PRKCA: variants seen among roughly 807,000 people sequenced by gnomAD.
PRKCA encodes protein kinase C alpha.
In PRKCA, 27 loss-of-function variants were observed where a neutral mutation model predicts 87.0. The observed-to-expected ratio is 0.31, with a 90% CI of 0.23 to 0.43. The LOEUF is 0.43. PRKCA is among the 20% of genes least tolerant of loss of function. The pLI is 1.00. For missense variants in PRKCA, 518 were observed against 852.3 expected, an observed-to-expected ratio of 0.61 and a Z score of 4.88; for synonymous variants, 329 against 311.1, an observed-to-expected ratio of 1.06 and a Z score of -0.61.
intron 3 of PRKCA, among the ~76,000 whole-genome samples, chr17:66,528,564 C>G (rs976012608): frequency 1.3e-5 from 2 of 152,082 alleles, no homozygotes; most frequent in African/African-American, 4.8e-5. Context: ...GGCCATGAAC[C>G]AAGGAATACA....
intron 2 of PRKCA, among the ~76,000 whole-genome samples, chr17:66,346,022 G>A (rs1455099008): frequency 6.6e-6 from 1 of 152,042 alleles, no homozygotes; most frequent in Non-Finnish European, 1.5e-5. Flanking sequence ...TCATCTGGAA[G>A]GTGCTCAGTA....
At chr17:66,534,131 T>G (rs1298542940) in intron 3 of PRKCA, among the ~76,000 whole-genome samples, 1 of 149,978 alleles carries the variant, frequency 6.7e-6, no homozygotes. Flanking sequence ...GACCACTTTC[T>G]TCCCAAGTGA....
intron 12 of PRKCA, 73 bp downstream of exon 12, chr17:66,741,794 G>T: frequency 6.7e-7 from 1 of 1,481,798 alleles, no homozygotes; most frequent in East Asian, 2.3e-5. Context: ...TGTCATTCTG[G>T]AATGGTGACT....
chr17:66,674,356 A>C (rs16959930), intron 5 of PRKCA, among the ~76,000 whole-genome samples: 16,119 of 152,234 alleles, frequency 0.11, 926 homozygotes, highest in Middle Eastern at 0.17. Flanking sequence ...CAAGGTGGGC[A>C]CAGAGATACA....
At position 66,518,561 on chromosome 17, in the gene PRKCA, G is replaced by A. The variant is rs142782465; in HGVS notation, c.288+22278G>A. Among the ~76,000 whole-genome samples, 1,126 of 152,196 alleles carry A rather than the reference G, an allele frequency of 7.4e-3. 10 individuals carry two copies. The highest frequency in any genetic ancestry group is 0.024 in the South Asian group (118 of 4,824). ...CCAGAAAGGTTTGTTCTATTTTTAC[G>A]AGAATCTTCTTAGGGAAATTGATGA... On this transcript the variant is annotated intron_variant, in intron 3 of 16. Transcript: ENST00000413366.
At position 66,804,315 on chromosome 17, in the gene PRKCA, C is replaced by T. The variant is rs1350589517; in HGVS notation, c.*278C>T. 1.3e-5 allele frequency: 4 copies of T among 319,742 alleles called. No homozygotes were observed. Among genetic ancestry groups the T allele is most frequent in the African/African-American group, 4.3e-5 (2 of 46,922 alleles). 19.8% of individuals were successfully genotyped at this position (319,742 alleles called of 1,614,324 possible). On this transcript the variant is annotated 3_prime_UTR_variant, in exon 17 of 17. Coordinates refer to ENST00000413366, the MANE Select transcript of PRKCA (RefSeq NM_002737.3). ...CTCTAGGTTAACCCTTCCTAGAAAG[C>T]AAGCAGACTGTTGCCCCATTTTGGG... is the stretch of plus-strand genomic sequence containing the variant.
At chr17:66,494,053 A>G (rs939947303) in intron 2 of PRKCA, among the ~76,000 whole-genome samples, 1 of 152,070 alleles carries the variant, frequency 6.6e-6, no homozygotes, top group African/African-American at 2.4e-5. Context: ...CTTACTGGCC[A>G]CTCACAGCCC....
intron 2 of PRKCA, among the ~76,000 whole-genome samples, chr17:66,377,450 C>T (rs35612410): frequency 0.16 from 23,865 of 151,070 alleles, 2,042 homozygotes; most frequent in East Asian, 0.28. Flanking sequence ...AGCCTAGGTA[C>T]ACAGCTGCTT....
At chr17:66,612,921 G>T (rs1449394476) in intron 3 of PRKCA, among the ~76,000 whole-genome samples, 1 of 152,108 alleles carries the variant, frequency 6.6e-6, no homozygotes. Context: ...TATAGAGTAT[G>T]TATAAAGTCA....
At chr17:66,530,023 C>T (rs1337234836) in intron 3 of PRKCA, among the ~76,000 whole-genome samples, 2 of 152,146 alleles carry the variant, frequency 1.3e-5, no homozygotes, top group African/African-American at 2.4e-5. Context: ...TGCTAGGAAC[C>T]ACGTTAGCTT....
chr17:66,491,247 G>A (rs1916232497), intron 2 of PRKCA, among the ~76,000 whole-genome samples: 1 of 152,224 alleles, frequency 6.6e-6, no homozygotes, highest in African/African-American at 2.4e-5. Context: ...TTTGTGACTG[G>A]AAGCTGCAGG....
chr17:66,379,933 A>G (rs1216331347), intron 2 of PRKCA, among the ~76,000 whole-genome samples: 1 of 152,168 alleles, frequency 6.6e-6, no homozygotes. Context: ...ATATTGAAGT[A>G]TAAAGCTAAA....
At chr17:66,428,296 T>C (rs1162882483) in intron 2 of PRKCA, among the ~76,000 whole-genome samples, 1 of 152,130 alleles carries the variant, frequency 6.6e-6, no homozygotes, top group African/African-American at 2.4e-5. Context: ...AAGCAGGGAT[T>C]CCAGCACCGA....
At chr17:66,496,661 T>G (rs1319593776) in intron 3 of PRKCA, among the ~76,000 whole-genome samples, 10 of 136,798 alleles carry the variant, frequency 7.3e-5, no homozygotes, top group Admixed American at 6.5e-4. Context: ...TCCCGTCCTC[T>G]TCGATGGAGT....
intron 16 of PRKCA, chr17:66,796,449 CTT>C (rs1486724360): frequency 7.1e-6 from 7 of 985,210 alleles, no homozygotes; most frequent in Non-Finnish European, 8.4e-6. Context: ...ATTCTCCAGA[CTT>C]TGTGTACCAA....
chr17:66,729,507 C>T (rs912508474), intron 8 of PRKCA, among the ~76,000 whole-genome samples: 1 of 152,288 alleles, frequency 6.6e-6, no homozygotes, highest in South Asian at 2.1e-4. Flanking sequence ...CTGGCCCTGC[C>T]GAAGTGGGCA....
intron 2 of PRKCA, among the ~76,000 whole-genome samples, chr17:66,475,099 T>C (rs917208197): frequency 6.6e-6 from 1 of 152,222 alleles, no homozygotes; most frequent in Non-Finnish European, 1.5e-5. Flanking sequence ...AGTTGCAAGC[T>C]GTCTTCCCTT....
intron 5 of PRKCA, among the ~76,000 whole-genome samples, chr17:66,652,500 A>G (rs866306043): frequency 6.6e-6 from 1 of 152,156 alleles, no homozygotes; most frequent in African/African-American, 2.4e-5. Context: ...TTTTTTCCTA[A>G]TGTCTACAAC....
At chr17:66,645,886 G>A (rs1971439612) in intron 5 of PRKCA, among the ~76,000 whole-genome samples, 1 of 152,196 alleles carries the variant, frequency 6.6e-6, no homozygotes. Flanking sequence ...GCGAATGGAT[G>A]GATGACCCAG....
Sources: gnomAD v4.1 joint callset for allele counts (sites outside exome capture counted in the v4.1 genomes callset) on GRCh38, gnomAD v4.1.1 for gene constraint, MANE v1.5 for transcripts, NCBI Gene and HGNC (gene_info 2026-07-23, HGNC 2026-07-21) for gene names.